Variants in PRSS54 observed in about 807,000 individuals in gnomAD.
PRSS54 encodes serine protease 54.
In PRSS54, 16 loss-of-function variants were observed where a neutral mutation model predicts 19.9. That is an observed-to-expected ratio of 0.80 (90% CI 0.54 to 1.22). The LOEUF is 1.22. PRSS54 is among the 50% of genes most tolerant of loss of function. The pLI, the probability that PRSS54 is intolerant of heterozygous loss-of-function variation, is 0.00. For missense variants in PRSS54, 444 were observed against 494.8 expected (o/e 0.90, Z 0.97); for synonymous variants, 177 against 195.8 (o/e 0.90, Z 0.80).
At chr16:58,288,947 A>G (rs11644244) in intron 4 of PRSS54, among the ~76,000 whole-genome samples, 27,313 of 152,120 alleles carry the variant, frequency 0.18, 3,119 homozygotes, top group South Asian at 0.36. Context: ...TGCGTTATGA[A>G]CTCAATTGCG....
At position 58,290,991 on chromosome 16, in the gene PRSS54, C is replaced by T. The variant is rs911292913; in HGVS notation, c.231G>A (p.Trp77Ter). Residue 77 changes from tryptophan to a stop codon, truncating the protein, a stop_gained, in exon 4 of 7, where the codon TGG (tryptophan) becomes TGA (stop). Transcript: ENST00000567164. LOFTEE classifies it high-confidence loss of function. ...GAATGGCGGATGCGATGCTGAGGACCCAGAACTCGCTCAGGATGCAGCCGA... is the reference window on the plus strand; with the variant it reads ...GAATGGCGGATGCGATGCTGAGGACTCAGAACTCGCTCAGGATGCAGCCGA... ...LAFGCILSEFWVLSIASAIQN... is the reference protein window; with the variant it reads ...LAFGCILSEF 5 of 1,614,082 alleles carry T rather than the reference C, an allele frequency of 3.1e-6. No homozygotes were observed. The highest frequency in any genetic ancestry group is 4.2e-6 in the Non-Finnish European group (5 of 1,180,050).
intron 6 of PRSS54, chr16:58,283,660 T>C (rs1964839589): frequency 6.6e-6 from 1 of 152,166 alleles, no homozygotes; most frequent in South Asian, 2.1e-4. Context: ...AAGCTATATC[T>C]TCACTGTATT....
intron 6 of PRSS54, chr16:58,282,575 G>A (rs1380608376): frequency 6.6e-6 from 1 of 152,390 alleles, no homozygotes; most frequent in African/African-American, 2.4e-5. Context: ...GTGATTCCCT[G>A]GTGATCTCTC....
Position 58,280,120 on chromosome 16 carries a change from G to T in PRSS54, c.*104C>A. Reference sequence around the variant, plus strand: ...GTATGCCATGGGCTTATCCGTGGCAGCCCCAGTGTGCAACTATCAAAAACA... The same window carrying T: ...GTATGCCATGGGCTTATCCGTGGCATCCCCAGTGTGCAACTATCAAAAACA... On this transcript the variant is annotated 3_prime_UTR_variant, in exon 7 of 7. Coordinates refer to ENST00000567164, the MANE Select transcript of PRSS54 (RefSeq NM_001305173.2). 1 of 1,179,302 alleles carries T rather than the reference G, an allele frequency of 8.5e-7. No homozygotes were observed. 73.1% of individuals were successfully genotyped at this position (1,179,302 alleles called of 1,614,324 possible).
chr16:58,288,223 T>C (rs77045155), intron 4 of PRSS54, among the ~76,000 whole-genome samples: 12,868 of 152,216 alleles, frequency 0.085, 701 homozygotes, highest in Admixed American at 0.12. Flanking sequence ...ACCAGGAGTT[T>C]GAGACCAGCC....
intron 6 of PRSS54, chr16:58,281,814 C>T (rs1182015155): frequency 2.0e-5 from 3 of 151,886 alleles, no homozygotes; most frequent in Non-Finnish European, 2.9e-5. Flanking sequence ...CCTTACCATC[C>T]GAGACCTGGG....
intron 4 of PRSS54, among the ~76,000 whole-genome samples, chr16:58,286,494 T>A (rs1010412639): frequency 6.7e-4 from 40 of 60,078 alleles, no homozygotes; most frequent in Admixed American, 9.1e-4. Flanking sequence ...TTTCTATGAA[T>A]AGTTTTTTTT....
At position 58,280,383 on chromosome 16, in the gene PRSS54, T is replaced by C; in HGVS notation, c.1029A>G (p.Ser343=). The change falls in exon 7 of 7, where the codon TCA becomes TCG. Residue 343 remains serine (S), a synonymous_variant. Coordinates refer to ENST00000567164, the MANE Select transcript of PRSS54 (RefSeq NM_001305173.2). ...LDVREKDVKE[S]GRSPEASVQP... Reference sequence around the variant, plus strand: ...GTACAGACGCCTCAGGAGACCTGCCTGATTCCTTTACATCCTTCTCCCTAA... The same window carrying C: ...GTACAGACGCCTCAGGAGACCTGCCCGATTCCTTTACATCCTTCTCCCTAA... 4.3e-6 allele frequency: 7 copies of C among 1,614,214 alleles called. No individual in the cohort carries two copies. The highest frequency in any genetic ancestry group is 5.9e-6 in the Non-Finnish European group (7 of 1,180,042).
intron 1 of PRSS54, among the ~76,000 whole-genome samples, chr16:58,294,413 C>T (rs1054159739): frequency 6.6e-6 from 1 of 152,114 alleles, no homozygotes; most frequent in Non-Finnish European, 1.5e-5. Flanking sequence ...TGCAGTGGCA[C>T]GAGCTTGGCT....
In PRSS54 at chr16:58,280,173, G is replaced by A; in HGVS notation, c.*51C>T. ...CATCAAAACAGCATGGTGAATGCCT[G>A]GCACTCAGCATTCTCAGTTTACTCT... On this transcript the variant is annotated 3_prime_UTR_variant, in exon 7 of 7. Transcript: ENST00000567164. 6.6e-7 allele frequency: 1 copy of A among 1,522,914 alleles called. No homozygotes were observed. Among genetic ancestry groups the A allele is most frequent in the Non-Finnish European group, 8.9e-7 (1 of 1,119,888 alleles). The allele number at this position is 1,522,914 out of a possible 1,614,324, so 94.3% of individuals were successfully genotyped here.
chr16:58,293,086 A>G (rs1965071829), intron 3 of PRSS54, among the ~76,000 whole-genome samples: 2 of 150,898 alleles, frequency 1.3e-5, no homozygotes, highest in African/African-American at 4.9e-5. Flanking sequence ...TGTGTGTTTG[A>G]GAGTGTGTGT....
intron 3 of PRSS54, 147 bp from the exon 4 acceptor site, chr16:58,291,283 T>C: frequency 1.4e-6 from 1 of 710,150 alleles, no homozygotes; most frequent in Admixed American, 3.0e-5. Flanking sequence ...CCCTAAAAGA[T>C]GCTCAGTGGC....
At chr16:58,283,262 A>G (rs1964827868) in intron 6 of PRSS54, 1 of 152,220 alleles carries the variant, frequency 6.6e-6, no homozygotes, top group Admixed American at 6.5e-5. Flanking sequence ...TCTGGACATG[A>G]GAACATATTT....
At chr16:58,292,413 T>C (rs1274264842) in intron 3 of PRSS54, among the ~76,000 whole-genome samples, 1 of 152,058 alleles carries the variant, frequency 6.6e-6, no homozygotes, top group Non-Finnish European at 1.5e-5. Context: ...GGTCACGAAT[T>C]CTGCCCAGGA....
At position 58,293,794 on chromosome 16, in the gene PRSS54, G is replaced by A. The variant is rs746537454; in HGVS notation, c.23C>T (p.Ser8Phe). 1.2e-6 allele frequency: 2 copies of A among 1,613,056 alleles called. No homozygotes were observed. Among genetic ancestry groups the A allele is most frequent in the African/African-American group, 1.3e-5 (1 of 75,012 alleles). Residue 8 changes from serine to phenylalanine, a missense_variant, in exon 3 of 7, where the codon TCT becomes TTT. Physicochemically the swap from Ser to Phe is radical, Grantham distance 155. Transcript: ENST00000567164. Reference protein sequence around the residue: MVSAAGLSGDGKMRGVLL... With the variant: MVSAAGLFGDGKMRGVLL... ...CACCCCTCGCATCTTGCCATCCCCAGAGAGACCCGCCGCGGACACCATGGG... is the reference window on the plus strand; with the variant it reads ...CACCCCTCGCATCTTGCCATCCCCAAAGAGACCCGCCGCGGACACCATGGG...
Position 58,280,543 on chromosome 16 carries a change from T to C in PRSS54, c.869A>G (p.His290Arg), listed in dbSNP as rs1183760841. 1.2e-6 allele frequency: 2 copies of C among 1,614,058 alleles called. No homozygotes were observed. Among genetic ancestry groups the C allele is most frequent in the African/African-American group, 2.7e-5 (2 of 74,918 alleles). Residue 290 changes from histidine to arginine, a missense_variant, in exon 7 of 7, where the codon CAT (histidine) becomes CGT (arginine). By Grantham distance (29) the His-to-Arg change is conservative (BLOSUM62 0). Transcript: ENST00000567164. ...CTGTGTCATGGTGGCATTTGGTCCATGGTGGGAGAAAGAAATCAACTTTTC... is the reference window on the plus strand; with the variant it reads ...CTGTGTCATGGTGGCATTTGGTCCACGGTGGGAGAAAGAAATCAACTTTTC... Reference protein sequence around the residue: ...HWEKLISFSHHGPNATMTQKT... With the variant: ...HWEKLISFSHRGPNATMTQKT...
At position 58,286,086 on chromosome 16, in the gene PRSS54, AGTT is replaced by A. The variant is rs745740667; in HGVS notation, c.370_372del (p.Asn124del). On this transcript the variant is annotated inframe_deletion, in exon 5 of 7. Transcript: ENST00000567164. ...AGGAGGGCTATGTTGTTGCTCATGG[AGTT>A]GTTATCAAAGTCCTCATGGATGATG... is the stretch of plus-strand genomic sequence containing the variant. 326 of 1,614,168 alleles carry A rather than the reference AGTT, an allele frequency of 2.0e-4. 5 individuals carry two copies. The South Asian group carries it at 3.2e-3, about 16-fold the overall frequency.
chr16:58,289,025 TTAAGGAGATAATTAAGATTAAATGAGGTA>T (rs1434679890), intron 4 of PRSS54, among the ~76,000 whole-genome samples: 5 of 152,036 alleles, frequency 3.3e-5, no homozygotes, highest in East Asian at 3.9e-4. Context: ...GATAGGGCCT[TTAAGGAGATAATTAAGATTAAATGAGGTA>T]TAAGGAGATA....
At chr16:58,291,352 A>G (rs1251374060) in intron 3 of PRSS54, among the ~76,000 whole-genome samples, 4 of 152,234 alleles carry the variant, frequency 2.6e-5, no homozygotes, top group African/African-American at 9.6e-5. Context: ...TATTGAACAC[A>G]TAACGGTACA....
Sources: allele counts gnomAD v4.1 joint callset (sites outside exome capture counted in the v4.1 genomes callset), GRCh38; gene constraint gnomAD v4.1.1; transcripts MANE v1.5; gene names NCBI Gene and HGNC (gene_info 2026-07-23, HGNC 2026-07-21).